Variants in MTA3 observed in about 807,000 individuals in gnomAD.
The protein encoded by MTA3 is metastasis associated 1 family member 3, also known as metastasis-associated protein MTA3.
MTA3 carries 34 observed loss-of-function variants against 83.5 expected under a neutral mutation model. The observed-to-expected ratio is 0.41, with a 90% confidence interval of 0.31 to 0.54. MTA3 has a LOEUF of 0.54. Ranked by LOEUF, MTA3 falls within the 20% of genes least tolerant of loss-of-function variation. The pLI is 0.33. For missense variants in MTA3, 761 were observed against 726.4 expected (o/e 1.05, Z -0.55); for synonymous variants, 303 against 252.7 (o/e 1.20, Z -1.89).
chr2:42,753,420 C>T lies in MTA3; in HGVS notation c.*21C>T. 6.4e-7 allele frequency: 1 copy of T among 1,550,582 alleles called. No individual in the cohort carries two copies. On this transcript the variant is annotated 3_prime_UTR_variant, in exon 17 of 17. Coordinates refer to ENST00000405094, the MANE Select transcript of MTA3 (RefSeq NM_001330442.2). Reference sequence around the variant, plus strand: ...ACTGAGCTTTCCCTGATTCATTCTACAATCCAAGACTTGCTGCACTGTCCT... The same window carrying T: ...ACTGAGCTTTCCCTGATTCATTCTATAATCCAAGACTTGCTGCACTGTCCT...
rs1670263449 is a variant in MTA3, at chr2:42,756,728, C to T, written c.*3329C>T. 3 of 985,508 alleles carry T rather than the reference C, an allele frequency of 3.0e-6. No homozygotes were observed. Among genetic ancestry groups the T allele is most frequent in the South Asian group, 4.7e-5 (1 of 21,292 alleles). The allele number at this position is 985,508 out of a possible 1,614,324, so 61.0% of individuals were successfully genotyped here. ...TCCTCACCATTCCCCCCAGGAAGGCCATGTCCCAGTTTTCTGTCCACCCCT... is the reference window on the plus strand; with the variant it reads ...TCCTCACCATTCCCCCCAGGAAGGCTATGTCCCAGTTTTCTGTCCACCCCT... On this transcript the variant is annotated 3_prime_UTR_variant, in exon 17 of 17. Transcript: ENST00000405094.
chr2:42,655,222 C>G (rs1262092727), intron 6 of MTA3, among the ~76,000 whole-genome samples: 1 of 152,188 alleles, frequency 6.6e-6, no homozygotes, highest in Admixed American at 6.5e-5. Context: ...CTCATTACCT[C>G]CAAATAAAGT....
intron 8 of MTA3, among the ~76,000 whole-genome samples, chr2:42,679,146 C>A (rs1175187332): frequency 6.6e-6 from 1 of 152,116 alleles, no homozygotes; most frequent in Non-Finnish European, 1.5e-5. Flanking sequence ...CATACTTGCC[C>A]TACCTACTTC....
chr2:42,592,874 G>A (rs771398753), intron 3 of MTA3, among the ~76,000 whole-genome samples: 2 of 152,184 alleles, frequency 1.3e-5, no homozygotes, highest in Non-Finnish European at 2.9e-5. Context: ...CAATAGGCCA[G>A]GTGCGGTGGC....
At chr2:42,586,395 G>A (rs1310857544) in intron 3 of MTA3, among the ~76,000 whole-genome samples, 2 of 148,470 alleles carry the variant, frequency 1.3e-5, no homozygotes, top group Non-Finnish European at 3.0e-5. Context: ...GACTAGCCTG[G>A]GCAACACAGC....
intron 8 of MTA3, among the ~76,000 whole-genome samples, chr2:42,673,266 A>G (rs1691006727): frequency 6.6e-6 from 1 of 152,078 alleles, no homozygotes; most frequent in South Asian, 2.1e-4. Flanking sequence ...AATAGATGTG[A>G]TATTCTGAAT....
intron 3 of MTA3, among the ~76,000 whole-genome samples, chr2:42,585,488 T>G (rs1346246871): frequency 6.7e-6 from 1 of 149,362 alleles, no homozygotes; most frequent in Non-Finnish European, 1.5e-5. Flanking sequence ...TTTTTTTTTT[T>G]TTTTTTGAGA....
chr2:42,605,121 G>A (rs1470057562), intron 3 of MTA3, among the ~76,000 whole-genome samples: 1 of 147,572 alleles, frequency 6.8e-6, no homozygotes, highest in African/African-American at 2.5e-5. Context: ...ATGGGGTGGT[G>A]GCCGGGCAGA....
intron 2 of MTA3, among the ~76,000 whole-genome samples, chr2:42,534,552 G>A (rs1168170992): frequency 1.3e-5 from 2 of 151,924 alleles, no homozygotes; most frequent in Non-Finnish European, 2.9e-5. Flanking sequence ...AGCCAAGATC[G>A]AGCCACCGCA....
chr2:42,756,016 C>G lies in MTA3; in HGVS notation c.*2617C>G. ...CAGCCCAGTTTCCATCTCTCAGGGC[C>G]CACCCAGGAAAATGGATTTCAAGTG... On this transcript the variant is annotated 3_prime_UTR_variant, in exon 17 of 17. Coordinates refer to ENST00000405094, the MANE Select transcript of MTA3 (RefSeq NM_001330442.2). 3 of 985,142 alleles carry G rather than the reference C, an allele frequency of 3.0e-6. No individual in the cohort carries two copies. Among genetic ancestry groups the G allele is most frequent in the Non-Finnish European group, 3.6e-6 (3 of 829,674 alleles). The allele number at this position is 985,142 out of a possible 1,614,324, so 61.0% of individuals were successfully genotyped here.
chr2:42,753,511 C>G lies in MTA3; in HGVS notation c.*112C>G, dbSNP rs1670035241. ...CTCCCAGTACATTTCAGTGGGAGAC[C>G]TCTGCGTGCATCCATGGAGACGCAA... On this transcript the variant is annotated 3_prime_UTR_variant, in exon 17 of 17. Transcript: ENST00000405094. The G allele has an allele frequency of 7.9e-6, 12 of 1,528,580 alleles. No individual in the cohort carries two copies. In the African/African-American group the frequency reaches 1.2e-4, roughly 16 times the overall value. The allele number at this position is 1,528,580 out of a possible 1,614,324, so 94.7% of individuals were successfully genotyped here.
intron 2 of MTA3, among the ~76,000 whole-genome samples, chr2:42,538,143 G>A (rs936342899): frequency 5.3e-5 from 8 of 152,152 alleles, no homozygotes; most frequent in African/African-American, 1.9e-4. Flanking sequence ...TGAGGCAGGA[G>A]AATGGCGTGA....
intron 10 of MTA3, among the ~76,000 whole-genome samples, chr2:42,696,628 G>C (rs191353919): frequency 1.3e-5 from 2 of 152,242 alleles, no homozygotes; most frequent in Admixed American, 1.3e-4. Context: ...ATAGTGAGCT[G>C]GGTATGGTGG....
intron 2 of MTA3, among the ~76,000 whole-genome samples, chr2:42,547,747 C>G (rs1253770297): frequency 6.6e-6 from 1 of 152,208 alleles, no homozygotes; most frequent in Non-Finnish European, 1.5e-5. Context: ...GTCTATTAAG[C>G]TAGGTTGCAG....
intron 15 of MTA3, among the ~76,000 whole-genome samples, chr2:42,721,584 C>A (rs141968292): frequency 0.023 from 3,474 of 152,256 alleles, 58 homozygotes; most frequent in Non-Finnish European, 0.033. Flanking sequence ...CCACCTTGGC[C>A]TCCCAAAGTA....
chr2:42,596,844 G>A (rs1433246190), intron 3 of MTA3, among the ~76,000 whole-genome samples: 1 of 151,770 alleles, frequency 6.6e-6, no homozygotes, highest in Admixed American at 6.6e-5. Context: ...TTTGCTGTCT[G>A]TGGACTTACA....
upstream of MTA3, chr2:42,568,480 GC>G (rs1394179685): frequency 2.4e-5 from 2 of 84,106 alleles, no homozygotes; most frequent in Admixed American, 2.9e-4. Context: ...CGCTGGCCCC[GC>G]AGCGCTCCAG....
chr2:42,740,742 T>C (rs1321846079), intron 16 of MTA3, among the ~76,000 whole-genome samples: 2 of 152,276 alleles, frequency 1.3e-5, no homozygotes, highest in Non-Finnish European at 2.9e-5. Flanking sequence ...TAAACCATGC[T>C]GTAAACAGAG....
upstream of MTA3, among the ~76,000 whole-genome samples, chr2:42,567,379 A>G (rs1402501645): frequency 6.6e-6 from 1 of 152,184 alleles, no homozygotes; most frequent in African/African-American, 2.4e-5. Context: ...ATACTTTGTG[A>G]TAAGTGACCA....
Sources: allele counts gnomAD v4.1 joint callset (sites outside exome capture counted in the v4.1 genomes callset), GRCh38; gene constraint gnomAD v4.1.1; transcripts MANE v1.5; gene names NCBI Gene and HGNC (gene_info 2026-07-23, HGNC 2026-07-21).